HIBCH: variants seen among roughly 807,000 people sequenced by gnomAD.
The protein encoded by HIBCH is 3-hydroxyisobutyryl-CoA hydrolase, also known as 3-hydroxyisobutyryl-CoA hydrolase, mitochondrial.
HIBCH carries 50 observed loss-of-function variants against 58.2 expected under a neutral mutation model. The ratio of observed to expected loss-of-function variants is 0.86; its 90% CI spans 0.68 to 1.09. The LOEUF (loss-of-function observed/expected upper bound fraction) is 1.09, where lower values mean the gene tolerates loss of function less well. Ranked by LOEUF, HIBCH falls within the 50% of genes least tolerant of loss-of-function variation. The pLI is 0.00. For synonymous variants in HIBCH, 151 were observed against 146.9 expected, an observed-to-expected ratio of 1.03 and a Z score of -0.20; for missense variants, 450 against 449.7, an observed-to-expected ratio of 1.00 and a Z score of -0.01.
chr2:190,309,992 G>A (rs1308533874), intron 2 of HIBCH, among the ~76,000 whole-genome samples: 1 of 152,216 alleles, frequency 6.6e-6, no homozygotes, highest in Non-Finnish European at 1.5e-5. Flanking sequence ...CTCAGTCTGA[G>A]TGGGCACCAT....
chr2:190,224,266 C>A (rs1575703982), intron 11 of HIBCH, among the ~76,000 whole-genome samples: 1 of 152,186 alleles, frequency 6.6e-6, no homozygotes. Flanking sequence ...GAAGCTTGAA[C>A]TGGGTGGAGC....
intron 3 of HIBCH, among the ~76,000 whole-genome samples, chr2:190,296,093 T>G (rs1034293168): frequency 6.6e-6 from 1 of 152,192 alleles, no homozygotes; most frequent in Non-Finnish European, 1.5e-5. Flanking sequence ...TAGGAAAGTT[T>G]ACGGCCTTCT....
intron 11 of HIBCH, among the ~76,000 whole-genome samples, chr2:190,219,009 G>A (rs1385990701): frequency 6.6e-6 from 1 of 152,128 alleles, no homozygotes; most frequent in Admixed American, 6.5e-5. Flanking sequence ...ATATACCCCA[G>A]GCTAATGTCT....
chr2:190,301,254 G>A (rs545818884), intron 2 of HIBCH, among the ~76,000 whole-genome samples: 2 of 152,198 alleles, frequency 1.3e-5, no homozygotes, highest in African/African-American at 2.4e-5. Context: ...GGGAGGGGAA[G>A]GAAAACCCTC....
At chr2:190,251,518 A>G (rs1194742051) in intron 8 of HIBCH, 3 of 449,038 alleles carry the variant, frequency 6.7e-6, no homozygotes, top group African/African-American at 2.1e-5. Context: ...CACATGTAAC[A>G]CAAGGAGTTT....
intron 11 of HIBCH, among the ~76,000 whole-genome samples, chr2:190,222,150 G>T (rs561683462): frequency 6.6e-6 from 1 of 152,234 alleles, no homozygotes; most frequent in African/African-American, 2.4e-5. Flanking sequence ...GCTGCTGCTG[G>T]GCTGCACAGA....
At chr2:190,272,128 C>T (rs1384226362) in intron 6 of HIBCH, among the ~76,000 whole-genome samples, 1 of 152,160 alleles carries the variant, frequency 6.6e-6, no homozygotes, top group African/African-American at 2.4e-5. Context: ...CTACACTATT[C>T]GCACATACAC....
At chr2:190,294,432 T>C (rs1230162086) in intron 4 of HIBCH, 114 bp downstream of exon 4, 22 of 736,880 alleles carry the variant, frequency 3.0e-5, no homozygotes, top group Non-Finnish European at 4.7e-5. Context: ...ATTAACTTTA[T>C]AATAAAAAGT....
At chr2:190,241,778 T>C (rs898953153) in intron 11 of HIBCH, among the ~76,000 whole-genome samples, 6 of 152,196 alleles carry the variant, frequency 3.9e-5, no homozygotes, top group Non-Finnish European at 8.8e-5. Flanking sequence ...TTCAAGAATG[T>C]TGAATATTGG....
intron 1 of HIBCH, among the ~76,000 whole-genome samples, chr2:190,195,224 CAAG>C (rs1360373763): frequency 1.3e-5 from 2 of 152,154 alleles, no homozygotes; most frequent in South Asian, 2.1e-4. Context: ...ACCCATTCAC[CAAG>C]AAGGACATCT....
chr2:190,271,812 T>C (rs1687409648), intron 6 of HIBCH, among the ~76,000 whole-genome samples: 1 of 152,218 alleles, frequency 6.6e-6, no homozygotes, highest in Admixed American at 6.5e-5. Flanking sequence ...ATAAGAGAGC[T>C]GATCTGGCTT....
intron 6 of HIBCH, among the ~76,000 whole-genome samples, chr2:190,272,881 A>G (rs187688385): frequency 1.9e-3 from 291 of 152,294 alleles, no homozygotes; most frequent in Non-Finnish European, 3.4e-3. Flanking sequence ...GCTAAAAAAA[A>G]CAAGGGCTCT....
intron 11 of HIBCH, among the ~76,000 whole-genome samples, chr2:190,223,960 G>A (rs1050389227): frequency 2.5e-4 from 38 of 152,294 alleles, no homozygotes; most frequent in African/African-American, 8.4e-4. Context: ...GCGGGGGATC[G>A]CCTCACCTGA....
intron 6 of HIBCH, among the ~76,000 whole-genome samples, chr2:190,278,731 T>A: frequency 1.0e-5 from 1 of 95,988 alleles, no homozygotes. Context: ...AGAGTGAGAC[T>A]CCATCTCAAA....
intron 9 of HIBCH, 73 bp from the exon 10 acceptor site, chr2:190,246,285 T>C: frequency 1.2e-6 from 1 of 842,462 alleles, no homozygotes; most frequent in South Asian, 1.5e-5. Context: ...TATTTAATGA[T>C]ACACTTTGTG....
intron 6 of HIBCH, among the ~76,000 whole-genome samples, chr2:190,266,345 T>C (rs1687234102): frequency 6.6e-6 from 1 of 152,374 alleles, no homozygotes. Context: ...TTATCTGTTA[T>C]TGAAAGAAAT....
chr2:190,255,297 C>G (rs545555615), intron 7 of HIBCH, among the ~76,000 whole-genome samples: 1 of 152,298 alleles, frequency 6.6e-6, no homozygotes, highest in South Asian at 2.1e-4. Context: ...GTTCCTTTAA[C>G]AGGCCAAGTT....
intron 11 of HIBCH, chr2:190,213,286 G>C (rs2105902157): frequency 1.9e-6 from 1 of 533,416 alleles, no homozygotes; most frequent in Non-Finnish European, 3.3e-6. Context: ...AAATTCTGTA[G>C]CTGTGACTAA....
chr2:190,317,573 G>A (rs1688735827), intron 1 of HIBCH, among the ~76,000 whole-genome samples: 1 of 152,180 alleles, frequency 6.6e-6, no homozygotes, highest in South Asian at 2.1e-4. Flanking sequence ...ATTCTGAGAA[G>A]AATGGCAGGC....
Sources: gnomAD v4.1 joint callset for allele counts (sites outside exome capture counted in the v4.1 genomes callset) on GRCh38, gnomAD v4.1.1 for gene constraint, MANE v1.5 for transcripts, NCBI Gene and HGNC (gene_info 2026-07-23, HGNC 2026-07-21) for gene names.